MLLT3: variants seen among roughly 807,000 people sequenced by gnomAD.
The protein encoded by MLLT3 is protein AF-9.
MLLT3 carries 4 observed loss-of-function variants against 53.2 expected under a neutral mutation model. The ratio of observed to expected loss-of-function variants is 0.08; its 90% CI spans 0.04 to 0.17. The LOEUF is 0.17. Ranked by LOEUF, MLLT3 falls within the 10% of genes least tolerant of loss-of-function variation. The pLI, the probability that MLLT3 is intolerant of heterozygous loss-of-function variation, is 1.00. For missense variants in MLLT3, 569 were observed against 684.0 expected (o/e 0.83, Z 1.87); for synonymous variants, 283 against 230.6 (o/e 1.23, Z -2.06).
chr9:20,433,201 G>C (rs892821841), intron 4 of MLLT3, among the ~76,000 whole-genome samples: 1 of 152,104 alleles, frequency 6.6e-6, no homozygotes, highest in African/African-American at 2.4e-5. Flanking sequence ...TGAATTCAGA[G>C]CAGGGACAAG....
chr9:20,508,290 T>C (rs1328348911), intron 2 of MLLT3, among the ~76,000 whole-genome samples: 3 of 152,150 alleles, frequency 2.0e-5, no homozygotes, highest in Admixed American at 6.6e-5. Context: ...TCCCCTTTTA[T>C]AAAGAAAAAT....
At chr9:20,584,803 T>A (rs1490387828) in intron 2 of MLLT3, among the ~76,000 whole-genome samples, 2 of 152,220 alleles carry the variant, frequency 1.3e-5, no homozygotes, top group African/African-American at 4.8e-5. Context: ...CCAAACTGCA[T>A]CAGCATTTAA....
In MLLT3 at chr9:20,622,353, G is replaced by A. The variant is rs937457080; in HGVS notation, c.-97C>T. 3.4e-6 allele frequency: 4 copies of A among 1,185,154 alleles called. No homozygotes were observed. The highest frequency in any genetic ancestry group is 3.5e-6 in the Non-Finnish European group (3 of 860,636). The allele number at this position is 1,185,154 out of a possible 1,614,324, so 73.4% of individuals were successfully genotyped here. A position where few individuals can be genotyped will look rare whatever the true frequency, so the allele number is the denominator to read the frequency against. Reference sequence around the variant, plus strand: ...TTCATGAAGAGGCTGCTATGAATGAGAGCGCGCCCAGGAGCGGAGGGTAGA... The same window carrying A: ...TTCATGAAGAGGCTGCTATGAATGAAAGCGCGCCCAGGAGCGGAGGGTAGA... On this transcript the variant is annotated 5_prime_UTR_variant, in exon 1 of 11. Transcript: ENST00000380338.
intron 4 of MLLT3, among the ~76,000 whole-genome samples, chr9:20,433,984 G>A (rs7041929): frequency 4.0e-4 from 60 of 150,242 alleles, no homozygotes; most frequent in African/African-American, 1.3e-3. Flanking sequence ...AGCTGGGTAT[G>A]GTGGCACGCA....
intron 2 of MLLT3, among the ~76,000 whole-genome samples, chr9:20,564,011 C>A (rs2131155330): frequency 6.6e-6 from 1 of 152,262 alleles, no homozygotes; most frequent in East Asian, 1.9e-4. Context: ...ATTTTTAGAG[C>A]AGCATGCTGG....
chr9:20,449,497 A>G (rs771219793), intron 3 of MLLT3, among the ~76,000 whole-genome samples: 39 of 152,232 alleles, frequency 2.6e-4, no homozygotes, highest in Non-Finnish European at 4.9e-4. Context: ...GACTCAAGAT[A>G]ATAATGACAT....
chr9:20,452,450 T>C (rs1248928103), intron 3 of MLLT3, among the ~76,000 whole-genome samples: 1 of 152,182 alleles, frequency 6.6e-6, no homozygotes, highest in African/African-American at 2.4e-5. Flanking sequence ...TCTTGAGGCC[T>C]TCCCAGCCAT....
At chr9:20,393,733 A>AT (rs771940334) in intron 5 of MLLT3, among the ~76,000 whole-genome samples, 7 of 152,230 alleles carry the variant, frequency 4.6e-5, no homozygotes, top group Non-Finnish European at 8.8e-5. Context: ...TCATTATTGG[A>AT]TTTTTTCAAT....
chr9:20,612,966 C>G (rs1412297400), intron 2 of MLLT3, among the ~76,000 whole-genome samples: 2 of 152,120 alleles, frequency 1.3e-5, no homozygotes, highest in African/African-American at 2.4e-5. Flanking sequence ...TTCATCTGCA[C>G]AAGGTAACAT....
chr9:20,405,718 T>C (rs1163161016), intron 5 of MLLT3, among the ~76,000 whole-genome samples: 2 of 152,220 alleles, frequency 1.3e-5, no homozygotes, highest in African/African-American at 4.8e-5. Flanking sequence ...AGGAATTTAT[T>C]TATGAGATTC....
intron 2 of MLLT3, among the ~76,000 whole-genome samples, chr9:20,606,972 C>T (rs2131203945): frequency 6.6e-6 from 1 of 152,242 alleles, no homozygotes; most frequent in East Asian, 1.9e-4. Context: ...CTTTACAAGT[C>T]TACAAGTAGA....
chr9:20,571,425 A>T (rs73434547), intron 2 of MLLT3, among the ~76,000 whole-genome samples: 3,797 of 149,476 alleles, frequency 0.025, 172 homozygotes, highest in African/African-American at 0.088. Context: ...CAATAACAAT[A>T]AAAAAAACCT....
At chr9:20,560,020 G>A (rs1275048311) in intron 2 of MLLT3, among the ~76,000 whole-genome samples, 1 of 152,152 alleles carries the variant, frequency 6.6e-6, no homozygotes. Context: ...TGGATAACAT[G>A]ATTCCTAAAA....
chr9:20,574,149 T>C (rs1041741302), intron 2 of MLLT3, among the ~76,000 whole-genome samples: 1 of 152,196 alleles, frequency 6.6e-6, no homozygotes, highest in East Asian at 1.9e-4. Flanking sequence ...GTCCAATAAT[T>C]TGCATTTCTA....
chr9:20,424,184 G>C (rs973706548), intron 4 of MLLT3, among the ~76,000 whole-genome samples: 8 of 152,122 alleles, frequency 5.3e-5, no homozygotes, highest in African/African-American at 1.9e-4. Flanking sequence ...TGAATACTGA[G>C]AGGCAACTGT....
intron 2 of MLLT3, among the ~76,000 whole-genome samples, chr9:20,546,919 C>T (rs769169113): frequency 1.3e-5 from 2 of 152,160 alleles, no homozygotes; most frequent in Non-Finnish European, 2.9e-5. Flanking sequence ...AGTTCTTCTG[C>T]CCAGCCTGCT....
intron 10 of MLLT3, among the ~76,000 whole-genome samples, chr9:20,350,520 G>T (rs989978833): frequency 1.0e-4 from 15 of 148,590 alleles, no homozygotes; most frequent in African/African-American, 3.9e-4. Flanking sequence ...GCGTGAACCC[G>T]GGAGGCGGAG....
intron 2 of MLLT3, among the ~76,000 whole-genome samples, chr9:20,529,497 G>C (rs1818277659): frequency 6.6e-6 from 1 of 152,234 alleles, no homozygotes; most frequent in East Asian, 1.9e-4. Context: ...CAAAATAAAT[G>C]TCTAGTTCAT....
At chr9:20,386,977 T>C (rs894309082) in intron 5 of MLLT3, among the ~76,000 whole-genome samples, 1 of 152,252 alleles carries the variant, frequency 6.6e-6, no homozygotes, top group African/African-American at 2.4e-5. Context: ...TTCTACTTTT[T>C]GCTTTGTGTG....
Sources: gnomAD v4.1 joint callset for allele counts (sites outside exome capture counted in the v4.1 genomes callset) on GRCh38, gnomAD v4.1.1 for gene constraint, MANE v1.5 for transcripts, NCBI Gene and HGNC (gene_info 2026-07-23, HGNC 2026-07-21) for gene names.